SLC1A7: variants seen among roughly 807,000 people sequenced by gnomAD.
The protein encoded by SLC1A7 is excitatory amino acid transporter 5.
SLC1A7 carries 40 observed loss-of-function variants against 47.7 expected under a neutral mutation model. The ratio of observed to expected loss-of-function variants is 0.84; its 90% confidence interval spans 0.65 to 1.09. The LOEUF (loss-of-function observed/expected upper bound fraction) is 1.09, where lower values mean the gene tolerates loss of function less well. Among genes scored for constraint, SLC1A7 ranks in the 50% least tolerant of loss-of-function variants. The pLI is 0.00. For synonymous variants in SLC1A7, 323 were observed against 325.6 expected, an observed-to-expected ratio of 0.99 and a Z score of 0.09; for missense variants, 746 against 769.5, an observed-to-expected ratio of 0.97 and a Z score of 0.36.
chr1:53,124,286 A>G (rs1023875924), intron 2 of SLC1A7, among the ~76,000 whole-genome samples: 7 of 146,832 alleles, frequency 4.8e-5, no homozygotes, highest in African/African-American at 1.8e-4. Flanking sequence ...ACACACACAC[A>G]CACAACACAG....
chr1:53,103,133 C>A (rs939279260), intron 5 of SLC1A7: 2 of 484,234 alleles, frequency 4.1e-6, no homozygotes, highest in Admixed American at 3.8e-5. Flanking sequence ...ATGGCCCAGA[C>A]GGGCCTGAGG....
chr1:53,131,629 G>C lies in SLC1A7; in HGVS notation c.215+2721C>G, dbSNP rs10465801. ...ATCATCTCTGTGTCTGCAGCACCCA[G>C]CACAGGGCCAAGTGTCCAGAAAGCA... On this transcript the variant is annotated intron_variant, in intron 2 of 10. Transcript: ENST00000371494. 1.9e-3 allele frequency among the ~76,000 whole-genome samples: 295 copies of C among 152,362 alleles called. 2 individuals carry two copies. Among genetic ancestry groups the C allele is most frequent in the African/African-American group, 6.9e-3 (287 of 41,586 alleles).
intron 8 of SLC1A7, 25 bp downstream of exon 8, chr1:53,090,584 TCCA>T (rs1644408947): frequency 6.5e-7 from 1 of 1,538,422 alleles, no homozygotes; most frequent in African/African-American, 1.4e-5. Flanking sequence ...CCCCGCCCCA[TCCA>T]CCCAGGTGCA....
chr1:53,093,643 G>C, intron 5 of SLC1A7, 83 bp from the exon 6 acceptor site: 2 of 1,009,872 alleles, frequency 2.0e-6, no homozygotes, highest in East Asian at 5.2e-5. Context: ...TGGCTTCCCA[G>C]CAGCCTTGAT....
intron 2 of SLC1A7, among the ~76,000 whole-genome samples, chr1:53,126,643 T>G (rs542160898): frequency 3.3e-5 from 5 of 152,318 alleles, no homozygotes; most frequent in African/African-American, 1.2e-4. Context: ...CATATTTGAT[T>G]GCCCCTTGCT....
At chr1:53,093,434 G>A (rs1253824896) in intron 6 of SLC1A7, 27 bp downstream of exon 6, 9 of 1,564,532 alleles carry the variant, frequency 5.8e-6, no homozygotes, top group Non-Finnish European at 7.9e-6. Flanking sequence ...GCTGGCCGGG[G>A]TGAGGTGGGT....
intron 7 of SLC1A7, among the ~76,000 whole-genome samples, chr1:53,091,937 C>A (rs888965579): frequency 2.0e-5 from 3 of 152,220 alleles, no homozygotes; most frequent in African/African-American, 7.2e-5. Flanking sequence ...CTGCACTGGG[C>A]TGAGGTTTGG....
At chr1:53,098,047 C>T (rs12759482) in intron 5 of SLC1A7, among the ~76,000 whole-genome samples, 33 of 146,802 alleles carry the variant, frequency 2.2e-4, no homozygotes, top group East Asian at 4.2e-4. Context: ...ACCCTGCCTC[C>T]GTACACTCAC....
chr1:53,097,368 C>T (rs1365691924), intron 5 of SLC1A7, among the ~76,000 whole-genome samples: 2 of 141,630 alleles, frequency 1.4e-5, no homozygotes, highest in East Asian at 2.0e-4. Context: ...CACACCCCCT[C>T]GGTACACTCA....
At chr1:53,109,272 C>T (rs1644677428) in intron 3 of SLC1A7, among the ~76,000 whole-genome samples, 1 of 152,142 alleles carries the variant, frequency 6.6e-6, no homozygotes, top group African/African-American at 2.4e-5. Context: ...GAAGCTTCCT[C>T]CAATCCCTGA....
At position 53,090,634 on chromosome 1, in the gene SLC1A7, A is replaced by G; in HGVS notation, c.1204T>C (p.Phe402Leu). 1 of 1,599,836 alleles carries G rather than the reference A, an allele frequency of 6.3e-7. No homozygotes were observed. Among genetic ancestry groups the G allele is most frequent in the Non-Finnish European group, 8.5e-7 (1 of 1,170,418 alleles). ...CACCTGATGGTGATGATCTGGCCAA[A>G]GTCCAGCTCGTAGTTGTTGACCTGG... ...IAQVNNYELD[F>L]GQIITISITA... is the part of the protein sequence containing the mutation. The change falls in exon 8 of 11, where the codon TTT becomes CTT. Residue 402 changes from phenylalanine (F) to leucine (L), a missense_variant. By Grantham distance (22) the Phe-to-Leu change is conservative. Coordinates refer to ENST00000371494, the MANE Select transcript of SLC1A7 (RefSeq NM_006671.6).
chr1:53,116,598 G>A (rs1048316288), intron 2 of SLC1A7, among the ~76,000 whole-genome samples: 3 of 152,286 alleles, frequency 2.0e-5, no homozygotes, highest in African/African-American at 7.2e-5. Flanking sequence ...GAAATGGGGG[G>A]CTGCCCTGCA....
Position 53,089,792 on chromosome 1 carries a change from C to A in SLC1A7, c.1361+8G>T. 1.2e-6 allele frequency: 2 copies of A among 1,613,698 alleles called. No individual in the cohort carries two copies. Among genetic ancestry groups the A allele is most frequent in the Non-Finnish European group, 1.7e-6 (2 of 1,179,882 alleles). ...AGAGGGCTAGAGCTAGAGGCAAAGT[C>A]CACTCACAGAGCCCAGTCAACGGCA... On this transcript the variant is annotated splice_region_variant and intron_variant, in intron 9 of 10. Transcript: ENST00000371494.
chr1:53,091,029 C>T lies in SLC1A7; in HGVS notation c.1032-223G>A, dbSNP rs780293982. 6.3e-5 allele frequency: 86 copies of T among 1,367,064 alleles called. No homozygotes were observed. The Admixed American group carries it at 8.1e-4, about 13-fold the overall frequency. 84.7% of individuals were successfully genotyped at this position (1,367,064 alleles called of 1,614,324 possible). On this transcript the variant is annotated intron_variant, in intron 7 of 10. Transcript: ENST00000371494. ...TGCATTTTACAGATGAGGAAGCTGACGCCCAGAGGGCGGGGCTGACCCATG... is the reference window on the plus strand; with the variant it reads ...TGCATTTTACAGATGAGGAAGCTGATGCCCAGAGGGCGGGGCTGACCCATG...
intron 2 of SLC1A7, among the ~76,000 whole-genome samples, chr1:53,116,765 C>G (rs1644766560): frequency 6.6e-6 from 1 of 152,380 alleles, no homozygotes; most frequent in Non-Finnish European, 1.5e-5. Flanking sequence ...TGAGGTCACA[C>G]AGGACAGCAG....
chr1:53,108,575 A>C, intron 3 of SLC1A7: 2 of 717,986 alleles, frequency 2.8e-6, no homozygotes, highest in Non-Finnish European at 5.2e-6. Context: ...GAAAACTCTT[A>C]AGGAGGTGCC....
intron 1 of SLC1A7, among the ~76,000 whole-genome samples, chr1:53,136,621 A>ATATATAAAC (rs1645000527): frequency 1.5e-5 from 2 of 133,282 alleles, no homozygotes; most frequent in Non-Finnish European, 3.2e-5. Flanking sequence ...AATATATATA[A>ATATATAAAC]ACATATATAA....
At chr1:53,124,281 CACACACACAA>C (rs1644858151) in intron 2 of SLC1A7, among the ~76,000 whole-genome samples, 1 of 147,614 alleles carries the variant, frequency 6.8e-6, no homozygotes, top group Non-Finnish European at 1.5e-5. Context: ...CACACACACA[CACACACACAA>C]CACAGCTTCA....
At chr1:53,096,857 A>G (rs1250853846) in intron 5 of SLC1A7, among the ~76,000 whole-genome samples, 1 of 149,256 alleles carries the variant, frequency 6.7e-6, no homozygotes, top group African/African-American at 2.5e-5. Context: ...CTGCCTCAGT[A>G]CGCTCACTTT....
Sources: gnomAD v4.1 joint callset for allele counts (sites outside exome capture counted in the v4.1 genomes callset) on GRCh38, gnomAD v4.1.1 for gene constraint, MANE v1.5 for transcripts, NCBI Gene and HGNC (gene_info 2026-07-23, HGNC 2026-07-21) for gene names.